Variants in KIF1B observed in about 807,000 individuals in gnomAD.
KIF1B encodes kinesin family member 1B.
A neutral mutation model predicts 241.9 loss-of-function variants in KIF1B; 76 were observed. The ratio of observed to expected loss-of-function variants is 0.31; its 90% CI spans 0.26 to 0.38. KIF1B has a LOEUF of 0.38. Among genes scored for constraint, KIF1B ranks in the 10% least tolerant of loss-of-function variants. The probability of loss-of-function intolerance (pLI) is 1.00; values close to 1 mark genes in which losing one functional copy is unlikely to be tolerated. For synonymous variants in KIF1B, 750 were observed against 796.7 expected (o/e 0.94, Z 0.99); for missense variants, 1,622 against 2,271.4 (o/e 0.71, Z 5.81).
At chr1:10,283,948 A>G (rs1430758145) in intron 15 of KIF1B, among the ~76,000 whole-genome samples, 2 of 152,246 alleles carry the variant, frequency 1.3e-5, no homozygotes, top group Non-Finnish European at 2.9e-5. Flanking sequence ...ATTAAGCTTG[A>G]TAATTGAATA....
At chr1:10,223,546 G>GTTTTTTTTTTTTTTTTTTTTTT (rs113574017) in intron 1 of KIF1B, among the ~76,000 whole-genome samples, 23 of 131,260 alleles carry the variant, frequency 1.8e-4, no homozygotes, top group Non-Finnish European at 3.2e-4. Context: ...GTTTTGTTTT[G>GTTTTTTTTTTTTTTTTTTTTTT]TTTTTTTTTT....
Position 10,214,186 on chromosome 1 carries a change from T to C in KIF1B, c.-80+3308T>C, listed in dbSNP as rs933350631. Among the ~76,000 whole-genome samples the C allele has an allele frequency of 4.6e-5, 7 of 152,182 alleles. No homozygotes were observed. The East Asian group carries it at 5.8e-4, about 13-fold the overall frequency. ...GTTTGGTTAACGGGCCACTGATTCATTGATGCTCTTTTACTATAGGCATTA... is the reference window on the plus strand; with the variant it reads ...GTTTGGTTAACGGGCCACTGATTCACTGATGCTCTTTTACTATAGGCATTA... On this transcript the variant is annotated intron_variant, in intron 1 of 48. Coordinates refer to ENST00000676179, the MANE Select transcript of KIF1B (RefSeq NM_001365951.3).
chr1:10,355,915 T>C (rs1449056709), intron 38 of KIF1B, among the ~76,000 whole-genome samples: 1 of 152,214 alleles, frequency 6.6e-6, no homozygotes, highest in Non-Finnish European at 1.5e-5. Flanking sequence ...ATCTTTCTCC[T>C]GTCAGGGCTG....
At chr1:10,258,277 G>T (rs188581553) in intron 3 of KIF1B, among the ~76,000 whole-genome samples, 1 of 152,028 alleles carries the variant, frequency 6.6e-6, no homozygotes, top group Non-Finnish European at 1.5e-5. Flanking sequence ...GGCTGACCTG[G>T]ATGACTCTAA....
intron 27 of KIF1B, among the ~76,000 whole-genome samples, chr1:10,332,196 G>A (rs528777295): frequency 1.4e-4 from 21 of 151,860 alleles, no homozygotes; most frequent in African/African-American, 4.6e-4. Flanking sequence ...CCCCCGAGTA[G>A]CTGGGATTAT....
chr1:10,375,169 G>A (rs1367177008), intron 47 of KIF1B, 86 bp from the exon 48 acceptor site: 2 of 1,460,768 alleles, frequency 1.4e-6, no homozygotes, highest in Non-Finnish European at 1.9e-6. Flanking sequence ...CCTTTGTGAA[G>A]TGCTATATGC....
chr1:10,339,292 G>C (rs949787687), intron 31 of KIF1B, among the ~76,000 whole-genome samples: 1 of 152,136 alleles, frequency 6.6e-6, no homozygotes, highest in South Asian at 2.1e-4. Flanking sequence ...AGTAATGTGG[G>C]AACACAAAGC....
At chr1:10,305,177 C>G in intron 22 of KIF1B, 1 of 1,046,368 alleles carries the variant, frequency 9.6e-7, no homozygotes, top group Non-Finnish European at 1.2e-6. Flanking sequence ...TTAGAATTTT[C>G]GTAAGCCAAA....
At chr1:10,282,610 G>T in intron 15 of KIF1B, 77 bp downstream of exon 15, 1 of 1,219,796 alleles carries the variant, frequency 8.2e-7, no homozygotes, top group Non-Finnish European at 1.2e-6. Context: ...AAATCACTAA[G>T]ATTTCGACTC....
At chr1:10,260,149 G>A (rs373759030) in intron 4 of KIF1B, among the ~76,000 whole-genome samples, 1 of 152,126 alleles carries the variant, frequency 6.6e-6, no homozygotes, top group African/African-American at 2.4e-5. Context: ...CCTAGACTGC[G>A]TTGTATAGCC....
At chr1:10,275,720 G>T (rs937866527) in intron 11 of KIF1B, among the ~76,000 whole-genome samples, 1 of 152,052 alleles carries the variant, frequency 6.6e-6, no homozygotes, top group African/African-American at 2.4e-5. Context: ...TTTCTTCAGG[G>T]CATGAACTGT....
chr1:10,225,526 T>G (rs1408705105), intron 1 of KIF1B, among the ~76,000 whole-genome samples: 11 of 152,004 alleles, frequency 7.2e-5, no homozygotes, highest in Admixed American at 7.2e-4. Context: ...GTCAATGATT[T>G]GAAAAGTGTT....
chr1:10,249,753 A>G (rs1208992582), intron 2 of KIF1B, among the ~76,000 whole-genome samples: 1 of 152,092 alleles, frequency 6.6e-6, no homozygotes, highest in African/African-American at 2.4e-5. Flanking sequence ...AAATAAACAA[A>G]TTAGCCGTGC....
At chr1:10,259,494 A>T (rs1208408576) in intron 4 of KIF1B, among the ~76,000 whole-genome samples, 1 of 103,456 alleles carries the variant, frequency 9.7e-6, no homozygotes, top group African/African-American at 3.1e-5. Context: ...TTTAAATTAA[A>T]AAAAAAAAAA....
intron 2 of KIF1B, among the ~76,000 whole-genome samples, chr1:10,241,262 C>A (rs1426746524): frequency 6.6e-6 from 1 of 151,836 alleles, no homozygotes; most frequent in African/African-American, 2.4e-5. Context: ...AGCCACCACA[C>A]CCAGCTAATT....
At chr1:10,307,489 T>C in intron 22 of KIF1B, 1 of 393,166 alleles carries the variant, frequency 2.5e-6, no homozygotes, top group Non-Finnish European at 3.5e-6. Context: ...TTTGTATTTT[T>C]AGTAGAGACA....
At chr1:10,345,685 G>A (rs1652562669) in intron 34 of KIF1B, 160 bp from the exon 35 acceptor site, 2 of 654,814 alleles carry the variant, frequency 3.1e-6, no homozygotes, top group African/African-American at 3.7e-5. Context: ...AACTTACAAA[G>A]TTTATATTGG....
intron 22 of KIF1B, among the ~76,000 whole-genome samples, chr1:10,312,078 T>C (rs1020013675): frequency 4.0e-5 from 6 of 150,768 alleles, no homozygotes; most frequent in Non-Finnish European, 7.4e-5. Context: ...GACTCTCAGG[T>C]GTCCTCTCTC....
intron 38 of KIF1B, among the ~76,000 whole-genome samples, chr1:10,359,864 C>T (rs971506563): frequency 5.9e-5 from 9 of 151,386 alleles, no homozygotes; most frequent in Middle Eastern, 3.4e-3. Context: ...TGAAACCCCT[C>T]CTCTACTAAA....
Sources: gnomAD v4.1 joint callset for allele counts (sites outside exome capture counted in the v4.1 genomes callset) on GRCh38, gnomAD v4.1.1 for gene constraint, MANE v1.5 for transcripts, NCBI Gene and HGNC (gene_info 2026-07-23, HGNC 2026-07-21) for gene names.